Variants in OPRM1 observed in about 807,000 individuals in gnomAD.
OPRM1 encodes mu-type opioid receptor.
OPRM1 carries 27 observed loss-of-function variants against 31.8 expected under a neutral mutation model. That is an observed-to-expected ratio of 0.85 (90% confidence interval 0.63 to 1.17). The LOEUF is 1.17. Among genes scored for constraint, OPRM1 ranks in the 50% most tolerant of loss-of-function variants. The pLI is 0.00. For synonymous variants in OPRM1, 196 were observed against 189.9 expected, an observed-to-expected ratio of 1.03 and a Z score of -0.26; for missense variants, 536 against 511.1, an observed-to-expected ratio of 1.05 and a Z score of -0.47.
Position 154,090,006 on chromosome 6 carries a change from A to G in OPRM1, c.471A>G (p.Ile157Met), listed in dbSNP as rs1791675877. 1.9e-6 allele frequency: 3 copies of G among 1,614,122 alleles called. No homozygotes were observed. The South Asian group carries it at 3.3e-5, about 18-fold the overall frequency. Residue 157 changes from isoleucine to methionine, a missense_variant, in exon 2 of 4, where the codon ATA becomes ATG. Physicochemically the swap from Ile to Met is conservative, Grantham distance 10 (BLOSUM62 1). Transcript: ENST00000330432. ...SIDYYNMFTS[I>M]FTLCTMSVDR... is the part of the protein sequence containing the mutation. The stretch of plus-strand genomic sequence containing the variant: ...ATTACTATAACATGTTCACCAGCAT[A>G]TTCACCCTCTGCACCATGAGTGTTG...
At chr6:154,235,480 G>A (rs141698531) in intron 3 of OPRM1, among the ~76,000 whole-genome samples, 1,609 of 141,676 alleles carry the variant, frequency 0.011, 32 homozygotes, top group African/African-American at 0.039. Flanking sequence ...ACAGTCAGCC[G>A]AGATCGCACC....
At position 154,127,870 on chromosome 6, in the gene OPRM1, C is replaced by A. The variant is rs1035555745; in HGVS notation, c.*9149C>A. Among the ~76,000 whole-genome samples, 3 of 152,040 alleles carry A rather than the reference C, an allele frequency of 2.0e-5. No homozygotes were observed. ...CTTTGGCTGTAATACAATTTGTTCC[C>A]GTCTGCCCCCAGGCTCACCCAGTGC... is the stretch of plus-strand genomic sequence containing the variant. On this transcript the variant is annotated 3_prime_UTR_variant, in exon 4 of 4. Coordinates refer to ENST00000330432, the MANE Select transcript of OPRM1 (RefSeq NM_000914.5).
intron 1 of OPRM1, among the ~76,000 whole-genome samples, chr6:154,053,918 A>G (rs1205237592): frequency 6.6e-6 from 1 of 152,218 alleles, no homozygotes; most frequent in African/African-American, 2.4e-5. Context: ...GAACCCAGAC[A>G]GGATAAAATG....
intron 3 of OPRM1, among the ~76,000 whole-genome samples, chr6:154,186,617 T>C (rs554934362): frequency 3.9e-5 from 6 of 152,016 alleles, no homozygotes; most frequent in Non-Finnish European, 5.9e-5. Context: ...AGTGCAGTGG[T>C]GCGATCTTGG....
At chr6:154,221,846 T>C (rs1037015603) in intron 3 of OPRM1, among the ~76,000 whole-genome samples, 1 of 152,118 alleles carries the variant, frequency 6.6e-6, no homozygotes, top group Non-Finnish European at 1.5e-5. Flanking sequence ...TGCACTCCAG[T>C]CTGGGTGACA....
rs1240305832 is a variant in OPRM1, at chr6:154,124,811, C to G, written c.*6090C>G. On this transcript the variant is annotated 3_prime_UTR_variant, in exon 4 of 4. Transcript: ENST00000330432. ...AAAGATGAAAGCTTACTCATATTAACCATTCTACCATTGGAATTATTTGCC... is the reference window on the plus strand; with the variant it reads ...AAAGATGAAAGCTTACTCATATTAAGCATTCTACCATTGGAATTATTTGCC... Among the ~76,000 whole-genome samples the G allele has an allele frequency of 1.3e-5, 2 of 152,176 alleles. No homozygotes were observed. The highest frequency in any genetic ancestry group is 4.8e-5 in the African/African-American group (2 of 41,450).
intron 3 of OPRM1, among the ~76,000 whole-genome samples, chr6:154,197,172 A>C (rs1231689381): frequency 6.6e-6 from 1 of 152,222 alleles, no homozygotes; most frequent in African/African-American, 2.4e-5. Flanking sequence ...ACAATTTCAG[A>C]CACAAGAATT....
At chr6:154,011,039 T>G in intron 1 of OPRM1, 16 of 1,289,554 alleles carry the variant, frequency 1.2e-5, no homozygotes, top group Non-Finnish European at 1.6e-5. Flanking sequence ...GCTCATTTAT[T>G]TTGTTGAAGA....
chr6:154,189,119 T>C (rs1372974034), intron 3 of OPRM1, among the ~76,000 whole-genome samples: 2 of 152,078 alleles, frequency 1.3e-5, no homozygotes, highest in African/African-American at 2.4e-5. Flanking sequence ...ACAAATCCAT[T>C]GGAAAAACAA....
intron 3 of OPRM1, among the ~76,000 whole-genome samples, chr6:154,099,929 C>T (rs1794294952): frequency 1.5e-5 from 2 of 134,096 alleles, no homozygotes; most frequent in East Asian, 2.2e-4. Flanking sequence ...CATGTATTAT[C>T]ATATTATGAT....
intron 1 of OPRM1, among the ~76,000 whole-genome samples, chr6:154,062,412 G>T: frequency 6.6e-6 from 1 of 151,920 alleles, no homozygotes; most frequent in African/African-American, 2.4e-5. Context: ...AACCTGTATT[G>T]CACTATAAGA....
intron 1 of OPRM1, among the ~76,000 whole-genome samples, chr6:154,029,531 C>A (rs991348449): frequency 4.6e-5 from 7 of 152,056 alleles, no homozygotes; most frequent in African/African-American, 1.4e-4. Context: ...TTCAAAAAAA[C>A]CAATTCTATC....
At chr6:154,148,691 A>G (rs535848016) in intron 3 of OPRM1, among the ~76,000 whole-genome samples, 2 of 152,274 alleles carry the variant, frequency 1.3e-5, no homozygotes, top group African/African-American at 2.4e-5. Flanking sequence ...CTTGTCCACT[A>G]TGTTCCTTGG....
At chr6:154,113,923 T>A (rs561587145) in intron 3 of OPRM1, among the ~76,000 whole-genome samples, 2 of 152,236 alleles carry the variant, frequency 1.3e-5, no homozygotes, top group East Asian at 3.9e-4. Flanking sequence ...CTTTCCCCAA[T>A]GAAGTGGCGA....
At chr6:154,044,007 C>T (rs969475105) in intron 1 of OPRM1, among the ~76,000 whole-genome samples, 27 of 152,230 alleles carry the variant, frequency 1.8e-4, no homozygotes, top group African/African-American at 6.0e-4. Flanking sequence ...TTCTCTCTCT[C>T]TTTTCTTTCT....
chr6:154,086,948 AC>A, intron 1 of OPRM1: 3 of 983,060 alleles, frequency 3.1e-6, no homozygotes, highest in Non-Finnish European at 3.6e-6. Context: ...TCTTAAAACC[AC>A]AGTTTTAATT....
chr6:154,023,891 C>G (rs1778531003), intron 1 of OPRM1, among the ~76,000 whole-genome samples: 1 of 152,074 alleles, frequency 6.6e-6, no homozygotes, highest in South Asian at 2.1e-4. Flanking sequence ...GGATAAATCC[C>G]ACTTGGTCAT....
intron 1 of OPRM1, among the ~76,000 whole-genome samples, chr6:154,022,675 T>C (rs569763944): frequency 4.3e-4 from 66 of 152,328 alleles, no homozygotes; most frequent in Admixed American, 1.3e-3. Context: ...TGGTAGTAGA[T>C]TCATAGTTTG....
chr6:154,093,145 T>C, intron 3 of OPRM1: 1 of 745,776 alleles, frequency 1.3e-6, no homozygotes, highest in Non-Finnish European at 2.2e-6. Context: ...GGGGATAACA[T>C]GTTAAAGATT....
Sources: gnomAD v4.1 joint callset for allele counts (sites outside exome capture counted in the v4.1 genomes callset) on GRCh38, gnomAD v4.1.1 for gene constraint, MANE v1.5 for transcripts, NCBI Gene and HGNC (gene_info 2026-07-23, HGNC 2026-07-21) for gene names.